Variants in DCLK1 observed in about 807,000 individuals in gnomAD.
DCLK1 encodes serine/threonine-protein kinase DCLK1.
Under a neutral mutation model 86.2 loss-of-function variants are expected in DCLK1, and 16 were observed. The ratio of observed to expected loss-of-function variants is 0.19; its 90% CI spans 0.13 to 0.28. DCLK1 has a LOEUF of 0.28. DCLK1 is among the 10% of genes least tolerant of loss of function. The pLI is 1.00. For synonymous variants in DCLK1, 369 were observed against 370.5 expected, an observed-to-expected ratio of 1.00 and a Z score of 0.05; for missense variants, 590 against 940.2, an observed-to-expected ratio of 0.63 and a Z score of 4.87.
chr13:35,991,234 T>C (rs1336006756), intron 3 of DCLK1, among the ~76,000 whole-genome samples: 1 of 152,180 alleles, frequency 6.6e-6, no homozygotes, highest in Non-Finnish European at 1.5e-5. Context: ...TTCCCCCCAC[T>C]TATTACCATT....
intron 4 of DCLK1, among the ~76,000 whole-genome samples, chr13:35,895,472 T>C (rs953659846): frequency 6.6e-6 from 1 of 152,208 alleles, no homozygotes; most frequent in Non-Finnish European, 1.5e-5. Context: ...CATGTAGGTA[T>C]ATTTTTCTAC....
intron 3 of DCLK1, among the ~76,000 whole-genome samples, chr13:35,988,980 T>A (rs1403936600): frequency 6.6e-6 from 1 of 152,088 alleles, no homozygotes; most frequent in Admixed American, 6.6e-5. Flanking sequence ...CCATTGGAAA[T>A]TGCCTGCAGG....
At chr13:36,071,518 T>C (rs1314329415) in intron 3 of DCLK1, among the ~76,000 whole-genome samples, 1 of 152,196 alleles carries the variant, frequency 6.6e-6, no homozygotes, top group Non-Finnish European at 1.5e-5. Flanking sequence ...CCACATTCTT[T>C]CTACTATGCT....
chr13:36,001,709 G>A (rs981407518), intron 3 of DCLK1, among the ~76,000 whole-genome samples: 2 of 152,184 alleles, frequency 1.3e-5, no homozygotes, highest in Non-Finnish European at 2.9e-5. Context: ...AAAAATGTAA[G>A]ACTCATCACC....
At chr13:36,117,499 T>G (rs1885830249) in intron 2 of DCLK1, among the ~76,000 whole-genome samples, 1 of 151,902 alleles carries the variant, frequency 6.6e-6, no homozygotes. Context: ...AAACACACAA[T>G]AAAGTATAAA....
chr13:36,023,365 G>C (rs1389399030), intron 3 of DCLK1, among the ~76,000 whole-genome samples: 1 of 152,138 alleles, frequency 6.6e-6, no homozygotes, highest in Non-Finnish European at 1.5e-5. Context: ...AGAGCTGATG[G>C]TGCAGTTCCA....
chr13:35,930,614 AC>A (rs1176194785), intron 4 of DCLK1, among the ~76,000 whole-genome samples: 45 of 150,986 alleles, frequency 3.0e-4, no homozygotes, highest in African/African-American at 1.1e-3. Context: ...AAACAAACAA[AC>A]AAAAACAAAC....
chr13:36,125,615 T>C, intron 2 of DCLK1, 147 bp downstream of exon 2: 1 of 1,214,356 alleles, frequency 8.2e-7, no homozygotes, highest in Non-Finnish European at 1.1e-6. Context: ...CTCTACACAA[T>C]AGCACATTCG....
intron 11 of DCLK1, among the ~76,000 whole-genome samples, chr13:35,816,183 G>T (rs147562747): frequency 2.0e-5 from 3 of 152,094 alleles, no homozygotes; most frequent in Admixed American, 6.6e-5. Context: ...TTTAAAAAAC[G>T]TTATTACATT....
intron 4 of DCLK1, among the ~76,000 whole-genome samples, chr13:35,892,990 A>G (rs1425821862): frequency 6.6e-6 from 1 of 152,250 alleles, no homozygotes; most frequent in Non-Finnish European, 1.5e-5. Flanking sequence ...ACATGACAGC[A>G]CACAAACACA....
Position 35,956,952 on chromosome 13 carries a change from T to C in DCLK1, c.724-9495A>G, listed in dbSNP as rs147245012. Among the ~76,000 whole-genome samples the C allele has an allele frequency of 1.6e-3, 242 of 152,280 alleles. 1 individual carries two copies. The highest frequency in any genetic ancestry group is 3.7e-3 in the Admixed American group (56 of 15,290). ...CCATTCAAAAGCATTCATATAAAAC[T>C]TTGCAAATAACTATACCTTCAAAAA... is the stretch of plus-strand genomic sequence containing the variant. On this transcript the variant is annotated intron_variant, in intron 3 of 16. Transcript: ENST00000360631.
intron 3 of DCLK1, among the ~76,000 whole-genome samples, chr13:35,951,854 G>A (rs937525981): frequency 2.0e-5 from 3 of 152,142 alleles, no homozygotes; most frequent in African/African-American, 7.2e-5. Flanking sequence ...ATCTTGAAAT[G>A]AGTCCTGTTT....
intron 3 of DCLK1, among the ~76,000 whole-genome samples, chr13:36,040,511 T>C (rs892152620): frequency 2.6e-5 from 4 of 151,454 alleles, no homozygotes; most frequent in African/African-American, 4.8e-5. Flanking sequence ...TGTCAAGAGT[T>C]CATTCTATCA....
intron 6 of DCLK1, among the ~76,000 whole-genome samples, chr13:35,842,472 A>G (rs779904961): frequency 1.1e-4 from 16 of 151,694 alleles, no homozygotes; most frequent in Non-Finnish European, 2.2e-4. Flanking sequence ...CAAATTCAAG[A>G]CCACCCTGGG....
chr13:35,820,600 A>G (rs1485552079), intron 11 of DCLK1, among the ~76,000 whole-genome samples: 6 of 152,204 alleles, frequency 3.9e-5, no homozygotes, highest in Admixed American at 2.0e-4. Context: ...GCAAAAAGGA[A>G]AGAAAATGAA....
chr13:36,120,678 A>AAC (rs1207006305), intron 2 of DCLK1, among the ~76,000 whole-genome samples: 1 of 151,836 alleles, frequency 6.6e-6, no homozygotes, highest in Admixed American at 6.6e-5. Flanking sequence ...AGTTAATAAA[A>AAC]ACCCTAACCT....
rs78491799 is a variant in DCLK1, at chr13:36,081,360, T to C, written c.723+30509A>G. Among the ~76,000 whole-genome samples, 8 of 152,102 alleles carry C rather than the reference T, an allele frequency of 5.3e-5. No homozygotes were observed. In the East Asian group the frequency reaches 1.5e-3, roughly 29 times the overall value. ...TCTCATCACTTAGTGCATCACTAAG[T>C]AACTTTTTGGCCAAGTTATAAAAAA... On this transcript the variant is annotated intron_variant, in intron 3 of 16. Transcript: ENST00000360631.
intron 16 of DCLK1, among the ~76,000 whole-genome samples, chr13:35,789,286 T>A (rs1194348135): frequency 6.6e-6 from 1 of 152,222 alleles, no homozygotes; most frequent in Non-Finnish European, 1.5e-5. Context: ...TTCAAAAACA[T>A]GCCAGGGCAC....
intron 16 of DCLK1, among the ~76,000 whole-genome samples, chr13:35,791,624 A>G (rs2086709776): frequency 6.6e-6 from 1 of 152,188 alleles, no homozygotes; most frequent in Admixed American, 6.5e-5. Flanking sequence ...GTGTTTGTCA[A>G]TTGGAAAATT....
Sources: allele counts gnomAD v4.1 joint callset (sites outside exome capture counted in the v4.1 genomes callset), GRCh38; gene constraint gnomAD v4.1.1; transcripts MANE v1.5; gene names NCBI Gene and HGNC (gene_info 2026-07-23, HGNC 2026-07-21).